The following FOCAD variants were observed in gnomAD, a reference collection of about 807,000 sequenced individuals.
FOCAD encodes the protein focadhesin.
FOCAD carries 198 observed loss-of-function variants against 225.6 expected under a neutral mutation model. The observed-to-expected ratio is 0.88, with a 90% CI of 0.78 to 0.99. The LOEUF is 0.99. Among genes scored for constraint, FOCAD ranks in the 50% least tolerant of loss-of-function variants. The pLI is 0.00. For synonymous variants in FOCAD, 897 were observed against 755.0 expected (o/e 1.19, Z -3.08); for missense variants, 2,713 against 2,123.6 (o/e 1.28, Z -5.46).
chr9:20,944,265 G>T (rs1360466609), intron 28 of FOCAD, among the ~76,000 whole-genome samples: 3 of 152,180 alleles, frequency 2.0e-5, no homozygotes, highest in Non-Finnish European at 4.4e-5. Flanking sequence ...CAACATGCAG[G>T]TAGGGGTGTT....
chr9:20,993,383 G>A, intron 43 of FOCAD, 55 bp downstream of exon 43: 3 of 1,446,514 alleles, frequency 2.1e-6, no homozygotes, highest in East Asian at 2.3e-5. Context: ...ATTGTTGTCT[G>A]TGGAGCAGAA....
intron 1 of FOCAD, among the ~76,000 whole-genome samples, chr9:20,712,114 C>T (rs1824896043): frequency 1.3e-5 from 2 of 151,934 alleles, no homozygotes; most frequent in African/African-American, 4.8e-5. Flanking sequence ...ATCTCCACTA[C>T]GATCTCTCCC....
chr9:20,920,513 C>T (rs369923992), intron 24 of FOCAD, among the ~76,000 whole-genome samples: 25,283 of 122,054 alleles, frequency 0.21, 2,942 homozygotes, highest in Middle Eastern at 0.3. Flanking sequence ...CACATGCACA[C>T]GTATGTTTAT....
At chr9:20,740,499 A>G (rs999247780) in intron 5 of FOCAD, among the ~76,000 whole-genome samples, 159 bp downstream of exon 5, 1 of 152,154 alleles carries the variant, frequency 6.6e-6, no homozygotes, top group Non-Finnish European at 1.5e-5. Context: ...CGTTTCAAAG[A>G]CTCAGAGGAT....
chr9:20,725,126 C>A (rs759555967), intron 4 of FOCAD, among the ~76,000 whole-genome samples: 1 of 152,182 alleles, frequency 6.6e-6, no homozygotes, highest in African/African-American at 2.4e-5. Context: ...GAGCCAAGAT[C>A]GCACTACTGC....
At chr9:20,677,244 A>C (rs1031856428) in intron 2 of FOCAD, among the ~76,000 whole-genome samples, 2 of 152,220 alleles carry the variant, frequency 1.3e-5, no homozygotes, top group Non-Finnish European at 2.9e-5. Flanking sequence ...ATATTCAAAC[A>C]TAAGATCTAA....
chr9:20,964,570 T>C (rs931724509), intron 35 of FOCAD, among the ~76,000 whole-genome samples: 4 of 151,836 alleles, frequency 2.6e-5, no homozygotes, highest in Non-Finnish European at 4.4e-5. Context: ...GGAGTCTTGC[T>C]CTGTTGCCAG....
intron 11 of FOCAD, among the ~76,000 whole-genome samples, chr9:20,811,142 G>A (rs1472805096): frequency 1.3e-5 from 2 of 152,040 alleles, no homozygotes; most frequent in East Asian, 1.9e-4. Context: ...AAGAGACAAG[G>A]AAATTAGACA....
intron 23 of FOCAD, among the ~76,000 whole-genome samples, chr9:20,914,179 T>C (rs1833683490): frequency 6.6e-6 from 1 of 152,136 alleles, no homozygotes; most frequent in African/African-American, 2.4e-5. Flanking sequence ...CATCCTCACT[T>C]AATTGGAACA....
chr9:20,742,283 T>A (rs191495802), intron 5 of FOCAD, among the ~76,000 whole-genome samples: 86 of 152,356 alleles, frequency 5.6e-4, no homozygotes, highest in African/African-American at 1.6e-3. Context: ...TTTAAAAGTG[T>A]CCTAGGTGAT....
At chr9:20,959,175 T>C (rs759847648) in intron 35 of FOCAD, among the ~76,000 whole-genome samples, 2 of 152,324 alleles carry the variant, frequency 1.3e-5, no homozygotes, top group Middle Eastern at 6.8e-3. Context: ...TTCCCTTGTC[T>C]TCACATCCTC....
chr9:20,944,549 G>A, intron 28 of FOCAD, 78 bp from the exon 29 acceptor site: 1 of 1,515,510 alleles, frequency 6.6e-7, no homozygotes, highest in Middle Eastern at 1.8e-4. Context: ...TGAGAGCTCT[G>A]TAAACACCCG....
intron 1 of FOCAD, among the ~76,000 whole-genome samples, chr9:20,714,373 G>A (rs1389396327): frequency 1.3e-5 from 2 of 152,064 alleles, no homozygotes; most frequent in African/African-American, 4.8e-5. Context: ...GAGATCAAGG[G>A]AACTTGGTTT....
intron 1 of FOCAD, among the ~76,000 whole-genome samples, chr9:20,704,528 A>T (rs1824222154): frequency 6.6e-6 from 1 of 152,180 alleles, no homozygotes; most frequent in African/African-American, 2.4e-5. Flanking sequence ...TTGGAGGAAG[A>T]TTTCCTAGCA....
chr9:20,838,442 T>C (rs541636319), intron 15 of FOCAD, among the ~76,000 whole-genome samples: 5 of 152,154 alleles, frequency 3.3e-5, no homozygotes, highest in Admixed American at 6.6e-5. Flanking sequence ...CCTCTACTTA[T>C]GTAAATTGTC....
At chr9:20,785,769 C>T (rs1410055283) in intron 10 of FOCAD, among the ~76,000 whole-genome samples, 2 of 152,020 alleles carry the variant, frequency 1.3e-5, no homozygotes, top group Admixed American at 6.6e-5. Flanking sequence ...GAGTAGATAC[C>T]GAGGAGTACA....
intron 35 of FOCAD, among the ~76,000 whole-genome samples, chr9:20,968,528 A>G (rs780821938): frequency 8.7e-5 from 11 of 126,466 alleles, no homozygotes; most frequent in Non-Finnish European, 1.6e-4. Context: ...TGCAACCTCC[A>G]CCTCCTGGGT....
rs374337191 is a variant in FOCAD at position 20,862,656 on chromosome 9, C to A, written c.1999C>A (p.Leu667Met). ...CDTRPLILKT[L>M]SELFSLVPSL... ...CACAAGACCTCTCATTCTGAAGACA[C>A]TGAGTGAACTATTTTCTCTAGTTCC... The change falls in exon 16 of 44, where the codon CTG becomes ATG. Residue 667 changes from leucine to methionine, a missense_variant. By Grantham distance (15) the Leu-to-Met change is conservative. Coordinates refer to ENST00000338382, the MANE Select transcript of FOCAD (RefSeq NM_001375567.1). 9 of 1,613,468 alleles carry A rather than the reference C, an allele frequency of 5.6e-6. No homozygotes were observed. The highest frequency in any genetic ancestry group is 4.0e-5 in the African/African-American group (3 of 74,890).
Position 20,943,243 on chromosome 9 carries a change from G to A in FOCAD, c.3408-1384G>A, listed in dbSNP as rs187945726. Among the ~76,000 whole-genome samples, 476 of 152,276 alleles carry A rather than the reference G, an allele frequency of 3.1e-3. 7 individuals carry two copies. Among genetic ancestry groups the A allele is most frequent in the Non-Finnish European group, 4.1e-3 (281 of 68,026 alleles). On this transcript the variant is annotated intron_variant, in intron 28 of 43. Coordinates refer to ENST00000338382, the MANE Select transcript of FOCAD (RefSeq NM_001375567.1). ...AATGCATTGAGCTTGTTAAGTTTACGAAGCTGTAACAGCAGTTCTGCCTGA... is the reference window on the plus strand; with the variant it reads ...AATGCATTGAGCTTGTTAAGTTTACAAAGCTGTAACAGCAGTTCTGCCTGA...
Sources: allele counts gnomAD v4.1 joint callset (sites outside exome capture counted in the v4.1 genomes callset), GRCh38; gene constraint gnomAD v4.1.1; transcripts MANE v1.5; gene names NCBI Gene and HGNC (gene_info 2026-07-23, HGNC 2026-07-21).